KALRN: variants seen among roughly 807,000 people sequenced by gnomAD.
The protein encoded by KALRN is kalirin.
Under a neutral mutation model 353.7 loss-of-function variants are expected in KALRN, and 70 were observed. The ratio of observed to expected loss-of-function variants is 0.20; its 90% CI spans 0.16 to 0.24. KALRN has a LOEUF of 0.24. Among genes scored for constraint, KALRN ranks in the 10% least tolerant of loss-of-function variants. The pLI is 1.00. For missense variants in KALRN, 2,791 were observed against 3,756.7 expected (o/e 0.74, Z 6.72); for synonymous variants, 1,391 against 1,434.8 (o/e 0.97, Z 0.69).
chr3:124,696,401 G>A (rs1348842455), intron 54 of KALRN, 146 bp downstream of exon 54: 3 of 588,138 alleles, frequency 5.1e-6, no homozygotes, highest in Admixed American at 3.4e-5. Flanking sequence ...CTCCCGATTA[G>A]CTGGACATGC....
chr3:124,532,976 G>C (rs988700564), intron 33 of KALRN, among the ~76,000 whole-genome samples: 6 of 146,312 alleles, frequency 4.1e-5, no homozygotes, highest in African/African-American at 1.5e-4. Context: ...AAGTAATGTT[G>C]AATTGGAAAA....
intron 23 of KALRN, among the ~76,000 whole-genome samples, chr3:124,459,357 G>A (rs966243900): frequency 1.3e-5 from 2 of 152,222 alleles, no homozygotes; most frequent in African/African-American, 4.8e-5. Context: ...AGAATCTGAA[G>A]TAGCTGAGGT....
intron 34 of KALRN, among the ~76,000 whole-genome samples, chr3:124,590,660 T>A (rs1035801011): frequency 5.3e-5 from 8 of 152,056 alleles, no homozygotes; most frequent in Admixed American, 3.9e-4. Context: ...AAGAAGTGAT[T>A]GCCCATCTTT....
chr3:124,473,654 G>A (rs941895648), intron 25 of KALRN, among the ~76,000 whole-genome samples: 6 of 152,062 alleles, frequency 3.9e-5, no homozygotes, highest in East Asian at 1.9e-4. Context: ...TAGTTTAAAC[G>A]CTTTGTTCTT....
chr3:124,258,260 C>T (rs538859574), intron 3 of KALRN, among the ~76,000 whole-genome samples: 1 of 152,314 alleles, frequency 6.6e-6, no homozygotes, highest in East Asian at 1.9e-4. Flanking sequence ...AGGAAGACTG[C>T]TTCCTTGCTC....
chr3:124,691,671 A>G (rs1394585103), intron 51 of KALRN, among the ~76,000 whole-genome samples: 6 of 152,172 alleles, frequency 3.9e-5, no homozygotes, highest in Non-Finnish European at 2.9e-5. Context: ...CCACCCTGAG[A>G]TAACCACTGT....
chr3:124,034,470 A>T (rs545721270), intron 1 of KALRN, among the ~76,000 whole-genome samples: 1 of 152,170 alleles, frequency 6.6e-6, no homozygotes, highest in East Asian at 1.9e-4. Context: ...TATTCATAAG[A>T]ATTACTCATT....
At chr3:124,344,365 C>T (rs1180223130) in intron 9 of KALRN, among the ~76,000 whole-genome samples, 1 of 152,228 alleles carries the variant, frequency 6.6e-6, no homozygotes, top group African/African-American at 2.4e-5. Flanking sequence ...ACATGTTTCT[C>T]TGCTGCGCAG....
intron 5 of KALRN, among the ~76,000 whole-genome samples, chr3:124,287,044 T>C (rs1446930845): frequency 2.0e-5 from 3 of 152,106 alleles, no homozygotes; most frequent in African/African-American, 7.2e-5. Context: ...GTATGGTAGG[T>C]ATATTTTTAT....
At chr3:124,465,807 C>A (rs906374413) in intron 25 of KALRN, among the ~76,000 whole-genome samples, 1 of 151,926 alleles carries the variant, frequency 6.6e-6, no homozygotes, top group African/African-American at 2.4e-5. Context: ...CCAGAGAGAG[C>A]CTATGGGAGG....
At chr3:124,468,024 G>C (rs4678116) in intron 25 of KALRN, among the ~76,000 whole-genome samples, 33,020 of 151,488 alleles carry the variant, frequency 0.22, 3,839 homozygotes, top group Middle Eastern at 0.35. Context: ...AAGGGGAGGG[G>C]ATGAGGAGAA....
chr3:124,620,094 TGTTTTGGTTTTG>T (rs1445985496), intron 34 of KALRN, among the ~76,000 whole-genome samples: 1 of 152,142 alleles, frequency 6.6e-6, no homozygotes, highest in Non-Finnish European at 1.5e-5. Flanking sequence ...GTTTTTGTTT[TGTTTTGGTTTTG>T]GTTTTGGTTT....
chr3:124,607,684 T>G (rs1285792902), intron 34 of KALRN, among the ~76,000 whole-genome samples: 1 of 152,072 alleles, frequency 6.6e-6, no homozygotes, highest in Non-Finnish European at 1.5e-5. Flanking sequence ...TGGCACAATC[T>G]CGGATCACTG....
rs141533447 is a variant in KALRN at position 124,063,574 on chromosome 3, A to G, written c.73+29761A>G. 8.5e-5 allele frequency among the ~76,000 whole-genome samples: 13 copies of G among 152,324 alleles called. No homozygotes were observed. The East Asian group carries it at 2.3e-3, about 27-fold the overall frequency. On this transcript the variant is annotated intron_variant, in intron 1 of 59. Coordinates refer to ENST00000682506, the MANE Select transcript of KALRN (RefSeq NM_001388419.1). ...CCAGTTGGCAAACATTGGGAGCAGC[A>G]AGCTGGAGGCAAACAGATGTCAGTA...
At position 124,153,244 on chromosome 3, in the gene KALRN, T is replaced by C. The variant is rs1173043640; in HGVS notation, c.74-74746T>C. On this transcript the variant is annotated intron_variant, in intron 1 of 59. Coordinates refer to ENST00000682506, the MANE Select transcript of KALRN (RefSeq NM_001388419.1). ...AACTCATCATTTAGCATTAGGTATA[T>C]CTCCTAATGCTATCCCTCCCCCCTC... 1.5e-4 allele frequency among the ~76,000 whole-genome samples: 22 copies of C among 145,934 alleles called. No homozygotes were observed. In the South Asian group the frequency reaches 5.1e-3, roughly 34 times the overall value.
chr3:124,621,760 G>C (rs953040792), intron 34 of KALRN, among the ~76,000 whole-genome samples: 1 of 152,250 alleles, frequency 6.6e-6, no homozygotes, highest in Non-Finnish European at 1.5e-5. Context: ...GAACCTGGCC[G>C]TACATAGCCT....
chr3:124,289,116 A>G (rs1384083306), intron 5 of KALRN, among the ~76,000 whole-genome samples: 1 of 152,174 alleles, frequency 6.6e-6, no homozygotes, highest in Non-Finnish European at 1.5e-5. Flanking sequence ...ACATGTTGAG[A>G]CAGGGCAAGT....
chr3:124,177,452 A>G (rs187532104), intron 1 of KALRN, among the ~76,000 whole-genome samples: 4 of 152,238 alleles, frequency 2.6e-5, no homozygotes, highest in East Asian at 1.9e-4. Flanking sequence ...CCTGGATTAT[A>G]TTAGGATCAC....
intron 5 of KALRN, among the ~76,000 whole-genome samples, chr3:124,296,208 AT>A (rs1231750131): frequency 6.6e-6 from 1 of 152,100 alleles, no homozygotes; most frequent in African/African-American, 2.4e-5. Context: ...TGCCTACTGG[AT>A]ACCTCCCCTT....
Sources: allele counts gnomAD v4.1 joint callset (sites outside exome capture counted in the v4.1 genomes callset), GRCh38; gene constraint gnomAD v4.1.1; transcripts MANE v1.5; gene names NCBI Gene and HGNC (gene_info 2026-07-23, HGNC 2026-07-21).